The following PCSK5 variants were observed in gnomAD, a reference collection of about 807,000 sequenced individuals.
The protein encoded by PCSK5 is prohormone convertase 5.
PCSK5 carries 129 observed loss-of-function variants against 233.2 expected under a neutral mutation model. The observed-to-expected ratio is 0.55, with a 90% CI of 0.48 to 0.64. The LOEUF (loss-of-function observed/expected upper bound fraction) is 0.64. PCSK5 is among the 30% of genes least tolerant of loss of function. PCSK5 has a pLI of 0.00. For missense variants in PCSK5, 2,076 were observed against 2,430.1 expected, an observed-to-expected ratio of 0.85 and a Z score of 3.06; for synonymous variants, 825 against 879.2, an observed-to-expected ratio of 0.94 and a Z score of 1.09.
chr9:76,154,048 G>A (rs372349883), intron 10 of PCSK5, among the ~76,000 whole-genome samples: 12 of 152,102 alleles, frequency 7.9e-5, no homozygotes, highest in South Asian at 2.1e-4. Flanking sequence ...GCTCTTTCCC[G>A]TATTCACACC....
chr9:76,206,200 G>T (rs577385962), intron 20 of PCSK5, among the ~76,000 whole-genome samples: 8 of 152,148 alleles, frequency 5.3e-5, no homozygotes, highest in Non-Finnish European at 1.0e-4. Context: ...TGCTGATGCT[G>T]CTGGTCCTAC....
At chr9:75,899,726 C>G (rs879399204) in intron 1 of PCSK5, among the ~76,000 whole-genome samples, 8 of 152,190 alleles carry the variant, frequency 5.3e-5, no homozygotes, top group African/African-American at 1.4e-4. Context: ...TAGCACTCAT[C>G]ATCAACCTCA....
intron 24 of PCSK5, 21 bp downstream of exon 24, chr9:76,240,705 A>T: frequency 6.5e-7 from 1 of 1,531,072 alleles, no homozygotes; most frequent in Non-Finnish European, 8.9e-7. Context: ...TTCCTTTGTC[A>T]CCTAAAGAGT....
At chr9:75,987,616 C>T (rs1304102906) in intron 3 of PCSK5, among the ~76,000 whole-genome samples, 1 of 152,072 alleles carries the variant, frequency 6.6e-6, no homozygotes, top group Non-Finnish European at 1.5e-5. Context: ...GGATCCCAAA[C>T]AGAATTTTAC....
At chr9:76,195,605 CATA>C (rs1587745869) in intron 20 of PCSK5, 1 of 151,968 alleles carries the variant, frequency 6.6e-6, no homozygotes, top group Non-Finnish European at 1.5e-5. Flanking sequence ...TATATATATT[CATA>C]ATGAGATATA....
At chr9:76,329,157 T>A (rs1829457134) in intron 33 of PCSK5, among the ~76,000 whole-genome samples, 1 of 151,362 alleles carries the variant, frequency 6.6e-6, no homozygotes, top group African/African-American at 2.4e-5. Context: ...AAGAGACAAG[T>A]TGGCCAGGCG....
intron 9 of PCSK5, among the ~76,000 whole-genome samples, chr9:76,113,934 G>A (rs1339051033): frequency 6.6e-6 from 1 of 152,086 alleles, no homozygotes; most frequent in Non-Finnish European, 1.5e-5. Context: ...CCTTTTAAGA[G>A]AGTTTTATTT....
chr9:75,961,188 A>T (rs2131343838), intron 2 of PCSK5, among the ~76,000 whole-genome samples: 1 of 152,302 alleles, frequency 6.6e-6, no homozygotes, highest in East Asian at 1.9e-4. Flanking sequence ...GGTGCCTCTT[A>T]TGTAGCTTCA....
At chr9:76,217,952 T>G (rs1825598114) in intron 20 of PCSK5, among the ~76,000 whole-genome samples, 1 of 152,146 alleles carries the variant, frequency 6.6e-6, no homozygotes, top group Non-Finnish European at 1.5e-5. Context: ...CTCATCTGTT[T>G]ATGTGCTCCA....
In PCSK5 at chr9:75,891,039, C is replaced by A. The variant is rs978748006; in HGVS notation, c.-143C>A. On this transcript the variant is annotated 5_prime_UTR_variant, in exon 1 of 38. Coordinates refer to ENST00000674117, the MANE Select transcript of PCSK5 (RefSeq NM_001372043.1). ...TGCTCTGCTCCCTGCCGGGGCTAGC[C>A]GCCTCCTGCCGATCGCCCGGGGCTG... The A allele has an allele frequency of 7.3e-6, 5 of 680,662 alleles. No individual in the cohort carries two copies. The highest frequency in any genetic ancestry group is 1.9e-5 in the African/African-American group (1 of 52,298). 42.2% of individuals were successfully genotyped at this position (680,662 alleles called of 1,614,324 possible).
chr9:76,201,100 T>C (rs7026021), intron 20 of PCSK5, among the ~76,000 whole-genome samples: 44,292 of 152,100 alleles, frequency 0.29, 7,296 homozygotes, highest in East Asian at 0.69. Context: ...TTCTGTTCAC[T>C]GTGATGTCCA....
At chr9:76,231,015 A>T (rs1826062288) in intron 21 of PCSK5, among the ~76,000 whole-genome samples, 1 of 152,076 alleles carries the variant, frequency 6.6e-6, no homozygotes, top group South Asian at 2.1e-4. Context: ...CCTTCCATGA[A>T]ACTGGTCTGT....
At chr9:76,280,823 T>C (rs901669046) in intron 24 of PCSK5, among the ~76,000 whole-genome samples, 4 of 141,852 alleles carry the variant, frequency 2.8e-5, no homozygotes, top group African/African-American at 1.1e-4. Context: ...GCAAAAGTTC[T>C]TGAAGGAAAT....
At chr9:76,148,319 G>A (rs1210619883) in intron 10 of PCSK5, among the ~76,000 whole-genome samples, 2 of 142,316 alleles carry the variant, frequency 1.4e-5, no homozygotes, top group Non-Finnish European at 3.0e-5. Flanking sequence ...GTTGCTTAGA[G>A]AGGGAGAGAG....
chr9:76,205,687 C>T (rs559371227), intron 20 of PCSK5, among the ~76,000 whole-genome samples: 75 of 152,302 alleles, frequency 4.9e-4, no homozygotes, highest in African/African-American at 1.8e-3. Flanking sequence ...GAGACAACAT[C>T]AGCCTCCTTT....
intron 10 of PCSK5, among the ~76,000 whole-genome samples, chr9:76,139,842 T>G (rs906996112): frequency 2.0e-5 from 3 of 151,986 alleles, no homozygotes; most frequent in Non-Finnish European, 4.4e-5. Context: ...ATTCAGGAAT[T>G]TTACCCTTAT....
Position 75,995,701 on chromosome 9 carries a change from AG to A in PCSK5, c.411+9457del, listed in dbSNP as rs1267242523. Among the ~76,000 whole-genome samples the A allele has an allele frequency of 2.0e-5, 3 of 150,438 alleles. No individual in the cohort carries two copies. In the East Asian group the frequency reaches 5.8e-4, roughly 29 times the overall value. ...GGGCTAGATGGAGGTCCAATCTGTT[AG>A]TAGTTGCAAATGTTGATGATACTTT... On this transcript the variant is annotated intron_variant, in intron 3 of 37. Coordinates refer to ENST00000674117, the MANE Select transcript of PCSK5 (RefSeq NM_001372043.1).
At chr9:76,208,674 T>C (rs1825214768) in intron 20 of PCSK5, among the ~76,000 whole-genome samples, 1 of 152,224 alleles carries the variant, frequency 6.6e-6, no homozygotes, top group South Asian at 2.1e-4. Flanking sequence ...CTGGATCCCA[T>C]TTAACTCTCT....
At position 76,302,606 on chromosome 9, in the gene PCSK5, A is replaced by AC. The variant is rs1828646478; in HGVS notation, c.3604+391dup. 2.6e-5 allele frequency among the ~76,000 whole-genome samples: 4 copies of AC among 152,220 alleles called. 1 individual carries two copies. In the South Asian group the frequency reaches 8.3e-4, roughly 31 times the overall value. On this transcript the variant is annotated intron_variant, in intron 28 of 37. Coordinates refer to ENST00000674117, the MANE Select transcript of PCSK5 (RefSeq NM_001372043.1). ...AAAGACTGGAAAAAACTAAGTGGTT[A>AC]CCAGCAGGAGATGAGAGAAATAAAG... is the stretch of plus-strand genomic sequence containing the variant.
Sources: gnomAD v4.1 joint callset for allele counts (sites outside exome capture counted in the v4.1 genomes callset) on GRCh38, gnomAD v4.1.1 for gene constraint, MANE v1.5 for transcripts, NCBI Gene and HGNC (gene_info 2026-07-23, HGNC 2026-07-21) for gene names.